CCND3: variants seen among roughly 807,000 people sequenced by gnomAD.
CCND3 encodes the protein G1/S-specific cyclin-D3.
CCND3 carries 9 observed loss-of-function variants against 28.7 expected under a neutral mutation model. The observed-to-expected ratio is 0.31, with a 90% confidence interval of 0.19 to 0.55. The LOEUF (loss-of-function observed/expected upper bound fraction) is 0.55, where lower values mean the gene tolerates loss of function less well. Ranked by LOEUF, CCND3 falls within the 20% of genes least tolerant of loss-of-function variation. The pLI is 0.93. For synonymous variants in CCND3, 164 were observed against 163.9 expected (o/e 1.00, Z 0.00); for missense variants, 315 against 385.8 (o/e 0.82, Z 1.54).
At chr6:41,978,145 CGG>C (rs1762233545) in intron 1 of CCND3, among the ~76,000 whole-genome samples, 1 of 151,782 alleles carries the variant, frequency 6.6e-6, no homozygotes, top group African/African-American at 2.4e-5. Context: ...GAGGCCGAGA[CGG>C]GTGGATCACG....
At chr6:41,995,934 A>G (rs557052361) in intron 1 of CCND3, among the ~76,000 whole-genome samples, 143 of 151,576 alleles carry the variant, frequency 9.4e-4, no homozygotes, top group African/African-American at 3.3e-3. Context: ...AAATTTTAAA[A>G]TGTTAATAAA....
At chr6:42,007,474 A>G (rs1197079801) in intron 1 of CCND3, among the ~76,000 whole-genome samples, 1 of 152,182 alleles carries the variant, frequency 6.6e-6, no homozygotes, top group African/African-American at 2.4e-5. Flanking sequence ...TAAACGGGCA[A>G]TTTTTAAAGA....
intron 1 of CCND3, among the ~76,000 whole-genome samples, chr6:42,003,344 G>A (rs1288431322): frequency 6.6e-6 from 1 of 151,288 alleles, no homozygotes; most frequent in Non-Finnish European, 1.5e-5. Context: ...TGACCAACAT[G>A]GAGAAACCTC....
At chr6:41,954,482 C>T (rs7768317) in intron 1 of CCND3, among the ~76,000 whole-genome samples, 35,721 of 147,740 alleles carry the variant, frequency 0.24, 4,439 homozygotes, top group Middle Eastern at 0.3. Context: ...ACCCTGGAGG[C>T]GGAGGTTGCG....
intron 1 of CCND3, among the ~76,000 whole-genome samples, chr6:42,001,339 G>T (rs1252714755): frequency 6.7e-6 from 1 of 150,188 alleles, no homozygotes; most frequent in East Asian, 2.0e-4. Flanking sequence ...ATAGTCAAAA[G>T]CTAGAAACAT....
rs192376582 is a variant in CCND3 at position 41,963,207 on chromosome 6, C to G, written c.-45-22622G>C. On this transcript the variant is annotated intron_variant, in intron 1 of 4. Coordinates refer to the CCND3 transcript ENST00000372988. ...TCACACACTTCTTTCTGCCTAAAATCCTTCCCCAATCTCCACCTCTTGAAA... is the reference window on the plus strand; with the variant it reads ...TCACACACTTCTTTCTGCCTAAAATGCTTCCCCAATCTCCACCTCTTGAAA... 1.9e-3 allele frequency among the ~76,000 whole-genome samples: 294 copies of G among 152,314 alleles called. 2 individuals are homozygous for G. Among genetic ancestry groups the G allele is most frequent in the African/African-American group, 6.6e-3 (274 of 41,578 alleles).
intron 1 of CCND3, among the ~76,000 whole-genome samples, chr6:42,044,783 T>TTTATTTATTTATTTA (rs144260165): frequency 0.013 from 1,831 of 143,128 alleles, 31 homozygotes; most frequent in African/African-American, 0.045. Flanking sequence ...CTTTCTTTCC[T>TTTATTTATTTATTTA]TTTATTTATT....
At chr6:41,987,505 CTCTCTCTCTCTCTGTGTGTGTG>C (rs1204890916) in intron 1 of CCND3, among the ~76,000 whole-genome samples, 14 of 94,982 alleles carry the variant, frequency 1.5e-4, no homozygotes, top group Middle Eastern at 4.9e-3. Flanking sequence ...CTCTCTCTCT[CTCTCTCTCTCTCTGTGTGTGTG>C]TGTGTGTGTG....
In CCND3 at chr6:42,048,810, C is replaced by A; in HGVS notation, c.-355G>T. ...TTCGGTCCCCGGCCTGACTCTCCCACCCCCTGTACACCCTCGGCGAGGCCA... is the reference window on the plus strand; with the variant it reads ...TTCGGTCCCCGGCCTGACTCTCCCAACCCCTGTACACCCTCGGCGAGGCCA... On this transcript the variant is annotated 5_prime_UTR_variant, in exon 1 of 5. Transcript: ENST00000372988. This position sits in a 1 kb window ranked among gnomAD's most constrained non-coding sequence, Gnocchi z 4.7. The A allele has an allele frequency of 4.8e-6, 2 of 417,528 alleles. No homozygotes were observed. The highest frequency in any genetic ancestry group is 9.4e-6 in the Non-Finnish European group (2 of 212,122). The allele number at this position is 417,528 out of a possible 1,614,324, so 25.9% of individuals were successfully genotyped here.
chr6:41,995,473 G>A (rs991174850), intron 1 of CCND3, among the ~76,000 whole-genome samples: 2 of 152,086 alleles, frequency 1.3e-5, no homozygotes, highest in African/African-American at 4.8e-5. Context: ...CGCCAGCCTG[G>A]TCTCGAACTC....
rs1472955292 is a variant in CCND3 at position 41,935,550 on chromosome 6, G to C, written c.*390C>G. On this transcript the variant is annotated 3_prime_UTR_variant, in exon 5 of 5. Coordinates refer to ENST00000372991, the MANE Select transcript of CCND3 (RefSeq NM_001760.5). ...CCCCAATCCAAATGCAATAACCCTA[G>C]AAGGGACAACACCTTTAGAAGGCAC... The C allele has an allele frequency of 9.8e-6, 4 of 406,706 alleles. No individual in the cohort carries two copies. The highest frequency in any genetic ancestry group is 2.0e-5 in the African/African-American group (1 of 50,498). The allele number at this position is 406,706 out of a possible 1,614,324, so 25.2% of individuals were successfully genotyped here. A position where few individuals can be genotyped will look rare whatever the true frequency, so the allele number is the denominator to read the frequency against.
chr6:42,006,666 T>C (rs1016616356), intron 1 of CCND3, among the ~76,000 whole-genome samples: 2 of 152,132 alleles, frequency 1.3e-5, no homozygotes, highest in Non-Finnish European at 2.9e-5. Flanking sequence ...CCCAGCACTT[T>C]GGGAGGCTGA....
intron 1 of CCND3, among the ~76,000 whole-genome samples, chr6:41,966,776 C>T (rs4130023): frequency 0.17 from 26,008 of 152,078 alleles, 2,619 homozygotes; most frequent in Middle Eastern, 0.33. Context: ...TTACAATAAT[C>T]TCATTTTAGA....
At chr6:42,046,273 C>T (rs34797855) in intron 1 of CCND3, among the ~76,000 whole-genome samples, 28,380 of 152,152 alleles carry the variant, frequency 0.19, 3,027 homozygotes, top group Non-Finnish European at 0.24. Context: ...CTCTCGCTTG[C>T]ATCACCAGCA....
intron 1 of CCND3, among the ~76,000 whole-genome samples, chr6:41,995,463 C>T (rs561159453): frequency 6.6e-6 from 1 of 152,178 alleles, no homozygotes; most frequent in East Asian, 1.9e-4. Context: ...TCACTATATT[C>T]GCCAGCCTGG....
At chr6:42,033,667 G>C (rs527728800) in intron 1 of CCND3, among the ~76,000 whole-genome samples, 8 of 151,560 alleles carry the variant, frequency 5.3e-5, no homozygotes, top group African/African-American at 1.9e-4. Context: ...GACCAACATG[G>C]AAAAACCCCG....
intron 1 of CCND3, among the ~76,000 whole-genome samples, chr6:41,951,572 AC>A (rs1318948501): frequency 6.1e-4 from 65 of 107,072 alleles, no homozygotes; most frequent in South Asian, 1.3e-3. Flanking sequence ...ACACACACAC[AC>A]ACAAAAAAAA....
At chr6:42,003,615 T>C (rs1763086492) in intron 1 of CCND3, among the ~76,000 whole-genome samples, 1 of 134,272 alleles carries the variant, frequency 7.4e-6, no homozygotes, top group Non-Finnish European at 1.6e-5. Flanking sequence ...AGAGGAATAA[T>C]GAGACAGAAA....
intron 1 of CCND3, among the ~76,000 whole-genome samples, chr6:42,019,116 A>G (rs925595446): frequency 3.3e-5 from 5 of 152,184 alleles, no homozygotes; most frequent in African/African-American, 9.7e-5. Context: ...AAATAAGTAT[A>G]TCATCAATGG....
Sources: allele counts gnomAD v4.1 joint callset (sites outside exome capture counted in the v4.1 genomes callset), GRCh38; gene constraint gnomAD v4.1.1; non-coding constraint Gnocchi (gnomAD v3.1); transcripts MANE v1.5; gene names NCBI Gene and HGNC (gene_info 2026-07-23, HGNC 2026-07-21).